The following ADHFE1 variants were observed in gnomAD, a reference collection of about 807,000 sequenced individuals.
ADHFE1 encodes the protein alcohol dehydrogenase iron containing 1.
A neutral mutation model predicts 54.8 loss-of-function variants in ADHFE1; 37 were observed. The observed-to-expected ratio is 0.68, with a 90% confidence interval of 0.52 to 0.89. The LOEUF is 0.89. Ranked by LOEUF, ADHFE1 falls within the 40% of genes least tolerant of loss-of-function variation. The probability of loss-of-function intolerance (pLI) is 0.00; values close to 1 mark genes in which losing one functional copy is unlikely to be tolerated. For missense variants in ADHFE1, 601 were observed against 591.2 expected (o/e 1.02, Z -0.17); for synonymous variants, 203 against 229.3 (o/e 0.89, Z 1.04).
Position 66,454,177 on chromosome 8 carries a change from C to T in ADHFE1, c.986+20C>T. 6.2e-7 allele frequency: 1 copy of T among 1,611,280 alleles called. No homozygotes were observed. ...TCTGTGGTGAGCAAGTCTGAGATTT[C>T]ATTTCTTTACTCAAGCTATTGCTTT... is the stretch of plus-strand genomic sequence containing the variant. On this transcript the variant is annotated intron_variant, in intron 10 of 13. Coordinates refer to ENST00000396623, the MANE Select transcript of ADHFE1 (RefSeq NM_144650.3).
chr8:66,454,193 C>T, intron 10 of ADHFE1, 36 bp downstream of exon 10: 1 of 1,599,918 alleles, frequency 6.3e-7, no homozygotes, highest in South Asian at 1.1e-5. Flanking sequence ...TTTACTCAAG[C>T]TATTGCTTTA....
At chr8:66,460,212 T>C (rs1286260581) in intron 12 of ADHFE1, 96 bp from the exon 13 acceptor site, 2 of 1,477,466 alleles carry the variant, frequency 1.4e-6, no homozygotes, top group Non-Finnish European at 1.9e-6. Flanking sequence ...GGAGACCCCG[T>C]GGGTGTGCAT....
chr8:66,455,064 T>C (rs2130444454), intron 10 of ADHFE1, among the ~76,000 whole-genome samples: 1 of 152,346 alleles, frequency 6.6e-6, no homozygotes, highest in South Asian at 2.1e-4. Flanking sequence ...TTCATGTAAA[T>C]GGAATCATAG....
Position 66,445,323 on chromosome 8 carries a change from A to G in ADHFE1, c.459A>G (p.Ala153=). ...MDTCKAANLY[A]SSPHSDFLDY... is the part of the protein sequence containing the mutation. ...CCTGTAAGGCTGCTAATCTGTATGC[A>G]TCCAGCCCTCATTCTGATTTCCTAG... Residue 153 remains alanine, a synonymous_variant, in exon 6 of 14, where the codon GCA becomes GCG. Coordinates refer to ENST00000396623, the MANE Select transcript of ADHFE1 (RefSeq NM_144650.3). The G allele has an allele frequency of 2.5e-6, 4 of 1,614,084 alleles. No homozygotes were observed. Among genetic ancestry groups the G allele is most frequent in the African/African-American group, 2.7e-5 (2 of 75,044 alleles).
At chr8:66,465,268 T>C (rs1016068490) in intron 13 of ADHFE1, among the ~76,000 whole-genome samples, 2 of 152,230 alleles carry the variant, frequency 1.3e-5, no homozygotes, top group Admixed American at 1.3e-4. Context: ...AGTAACTCTA[T>C]GTTTAACTTT....
rs1377651742 is a variant in ADHFE1 at position 66,466,526 on chromosome 8, C to G, written c.1321-1743C>G. Among the ~76,000 whole-genome samples the G allele has an allele frequency of 2.9e-5, 4 of 139,282 alleles. No individual in the cohort carries two copies. The Admixed American group carries it at 3.0e-4, about 11-fold the overall frequency. 91.4% of individuals were successfully genotyped at this position (139,282 alleles called of 152,430 possible). A position where few individuals can be genotyped will look rare whatever the true frequency, so the allele number is the denominator to read the frequency against. On this transcript the variant is annotated intron_variant, in intron 13 of 13. Transcript: ENST00000396623. ...AGCGAATTTTTTTAATACATCCATCCTTCTTTTCATTCCTTTTACCAGACA... is the reference window on the plus strand; with the variant it reads ...AGCGAATTTTTTTAATACATCCATCGTTCTTTTCATTCCTTTTACCAGACA...
intron 2 of ADHFE1, among the ~76,000 whole-genome samples, chr8:66,440,954 T>C (rs1325170076): frequency 6.6e-6 from 1 of 152,106 alleles, no homozygotes; most frequent in Non-Finnish European, 1.5e-5. Context: ...CGCCAAGGGC[T>C]TTCTCTTGCC....
chr8:66,435,941 A>T (rs1386750390), intron 1 of ADHFE1, among the ~76,000 whole-genome samples: 6 of 122,714 alleles, frequency 4.9e-5, no homozygotes, highest in African/African-American at 1.9e-4. Context: ...TTTGAGATGG[A>T]GTCTCGCTCT....
rs1026361733 is a variant in ADHFE1, at chr8:66,439,302, C to T, written c.60-860C>T. The T allele has an allele frequency of 1.0e-6, 1 of 985,324 alleles. No individual in the cohort carries two copies. The highest frequency in any genetic ancestry group is 1.7e-5 in the African/African-American group (1 of 57,208). 61.0% of individuals were successfully genotyped at this position (985,324 alleles called of 1,614,324 possible). ...TATCTACCGAGACCCAACCACTGGA[C>T]AAGGTCTTCTGGGCAACCCAACGAA... is the stretch of plus-strand genomic sequence containing the variant. On this transcript the variant is annotated intron_variant, in intron 1 of 13. Transcript: ENST00000396623. This position sits in a 1 kb window ranked among gnomAD's most constrained non-coding sequence, Gnocchi z 4.4.
At chr8:66,462,241 A>C (rs1353802574) in intron 13 of ADHFE1, among the ~76,000 whole-genome samples, 1 of 152,194 alleles carries the variant, frequency 6.6e-6, no homozygotes, top group Non-Finnish European at 1.5e-5. Flanking sequence ...ATGAAAGCTC[A>C]GGGACACCGT....
chr8:66,433,285 G>T (rs920397092), intron 1 of ADHFE1, among the ~76,000 whole-genome samples: 1 of 152,212 alleles, frequency 6.6e-6, no homozygotes, highest in Non-Finnish European at 1.5e-5. Flanking sequence ...GGCGAGGAAC[G>T]TCAGGCAGAG....
In ADHFE1 at chr8:66,468,517, A is replaced by G. The variant is rs541786955; in HGVS notation, c.*165A>G. On this transcript the variant is annotated 3_prime_UTR_variant, in exon 14 of 14. Coordinates refer to ENST00000396623, the MANE Select transcript of ADHFE1 (RefSeq NM_144650.3). Reference sequence around the variant, plus strand: ...GGAAATTCCCCAAAGCTCAGAGTCCAGTTCCTTCCATAAAACAGGCTGGAC... The same window carrying G: ...GGAAATTCCCCAAAGCTCAGAGTCCGGTTCCTTCCATAAAACAGGCTGGAC... 23 of 471,346 alleles carry G rather than the reference A, an allele frequency of 4.9e-5. 1 individual carries two copies. The South Asian group carries it at 6.5e-4, about 13-fold the overall frequency. 29.2% of individuals were successfully genotyped at this position (471,346 alleles called of 1,614,324 possible).
At chr8:66,434,761 C>T (rs756850875) in intron 1 of ADHFE1, among the ~76,000 whole-genome samples, 4 of 152,194 alleles carry the variant, frequency 2.6e-5, no homozygotes, top group East Asian at 1.9e-4. Context: ...AGAGGCAAGG[C>T]GTGCACTGGC....
intron 3 of ADHFE1, 105 bp from the exon 4 acceptor site, chr8:66,444,262 T>C: frequency 9.9e-7 from 1 of 1,009,440 alleles, no homozygotes. Context: ...TGCTAAGGAG[T>C]GTATACTTTA....
At chr8:66,442,884 A>G (rs568099504) in intron 3 of ADHFE1, 40 bp downstream of exon 3, 1 of 1,457,300 alleles carries the variant, frequency 6.9e-7, no homozygotes, top group East Asian at 2.4e-5. Context: ...ATGAATGACT[A>G]GAAAAAAATA....
Position 66,452,117 on chromosome 8 carries a change from C to T in ADHFE1, c.887+12C>T, listed in dbSNP as rs370483720. On this transcript the variant is annotated intron_variant, in intron 9 of 13. Coordinates refer to ENST00000396623, the MANE Select transcript of ADHFE1 (RefSeq NM_144650.3). Reference sequence around the variant, plus strand: ...AAGTATCTGAAGAGGTATGTCACCCCGAAGGGGATAGAAATAGAACAGGAG... The same window carrying T: ...AAGTATCTGAAGAGGTATGTCACCCTGAAGGGGATAGAAATAGAACAGGAG... The T allele has an allele frequency of 6.5e-5, 105 of 1,613,146 alleles. No individual in the cohort carries two copies. The highest frequency in any genetic ancestry group is 4.9e-4 in the Middle Eastern group (3 of 6,078).
In ADHFE1 at chr8:66,437,323, G is replaced by A. The variant is rs1200104131; in HGVS notation, c.60-2839G>A. Among the ~76,000 whole-genome samples the A allele has an allele frequency of 2.6e-5, 4 of 152,158 alleles. No homozygotes were observed. In the East Asian group the frequency reaches 5.8e-4, roughly 22 times the overall value. ...TCCTTGAGTAGATGAGAGGGGCTGCGATTTAGGGAATGCAAGACAGATTGG... is the reference window on the plus strand; with the variant it reads ...TCCTTGAGTAGATGAGAGGGGCTGCAATTTAGGGAATGCAAGACAGATTGG... On this transcript the variant is annotated intron_variant, in intron 1 of 13. Coordinates refer to ENST00000396623, the MANE Select transcript of ADHFE1 (RefSeq NM_144650.3).
chr8:66,440,838 C>A lies in ADHFE1; in HGVS notation c.97+639C>A, dbSNP rs957308380. On this transcript the variant is annotated intron_variant, in intron 2 of 13. Coordinates refer to ENST00000396623, the MANE Select transcript of ADHFE1 (RefSeq NM_144650.3). ...GATTTTGTCTCTTCTAAGGTCAGAT[C>A]TAAACATTAAGGCAAGAGTTGGAAA... Among the ~76,000 whole-genome samples the A allele has an allele frequency of 3.9e-5, 6 of 152,120 alleles. No homozygotes were observed. The East Asian group carries it at 7.7e-4, about 20-fold the overall frequency.
chr8:66,436,699 A>C (rs771371325), intron 1 of ADHFE1, among the ~76,000 whole-genome samples: 2 of 152,236 alleles, frequency 1.3e-5, no homozygotes, highest in Non-Finnish European at 2.9e-5. Flanking sequence ...AGTCATCAGC[A>C]TCAAAGGTAT....
Sources: allele counts gnomAD v4.1 joint callset (sites outside exome capture counted in the v4.1 genomes callset), GRCh38; gene constraint gnomAD v4.1.1; non-coding constraint Gnocchi (gnomAD v3.1); transcripts MANE v1.5; gene names NCBI Gene and HGNC (gene_info 2026-07-23, HGNC 2026-07-21).